Variants in MYO1F observed in about 807,000 individuals in gnomAD.
The protein encoded by MYO1F is unconventional myosin-If.
MYO1F carries 60 observed loss-of-function variants against 146.6 expected under a neutral mutation model. That is an observed-to-expected ratio of 0.41 (90% CI 0.33 to 0.51). MYO1F has a LOEUF of 0.51. MYO1F is among the 20% of genes least tolerant of loss of function. The probability of loss-of-function intolerance (pLI) is 0.25; values close to 1 mark genes in which losing one functional copy is unlikely to be tolerated. For missense variants in MYO1F, 1,274 were observed against 1,534.3 expected (o/e 0.83, Z 2.83); for synonymous variants, 602 against 602.1 (o/e 1.00, Z 0.00).
At chr19:8,561,087 G>C (rs572318412) in intron 1 of MYO1F, among the ~76,000 whole-genome samples, 1 of 151,926 alleles carries the variant, frequency 6.6e-6, no homozygotes, top group South Asian at 2.1e-4. Context: ...TTGCTCTGTT[G>C]CTCAGGCTGA....
chr19:8,538,452 T>G (rs1972821494), intron 16 of MYO1F, among the ~76,000 whole-genome samples: 1 of 149,152 alleles, frequency 6.7e-6, no homozygotes. Flanking sequence ...TGGCTAAATT[T>G]TGTATTTTTA....
intron 15 of MYO1F, among the ~76,000 whole-genome samples, chr19:8,541,520 C>G (rs1368462062): frequency 6.7e-6 from 1 of 150,326 alleles, no homozygotes; most frequent in Non-Finnish European, 1.5e-5. Flanking sequence ...CCTCTGCCTC[C>G]TGGGTTCAAG....
At position 8,540,046 on chromosome 19, in the gene MYO1F, G is replaced by C; in HGVS notation, c.1611-18C>G. ...GGAAGGCCCTGGGTAGGAAAGGGGA[G>C]AGGAGGAGTTGGAGGTATGGCTAGA... On this transcript the variant is annotated intron_variant, in intron 15 of 27. Transcript: ENST00000644032. The C allele has an allele frequency of 6.2e-7, 1 of 1,602,728 alleles. No homozygotes were observed. Among genetic ancestry groups the C allele is most frequent in the Non-Finnish European group, 8.5e-7 (1 of 1,171,846 alleles).
At chr19:8,560,295 T>C (rs1472488765) in intron 1 of MYO1F, among the ~76,000 whole-genome samples, 1 of 151,558 alleles carries the variant, frequency 6.6e-6, no homozygotes, top group East Asian at 2.0e-4. Flanking sequence ...CCATCCTGGC[T>C]AACATGGTGA....
chr19:8,521,484 G>A lies in MYO1F; in HGVS notation c.*44C>T, dbSNP rs1972058286. 5 of 1,598,770 alleles carry A rather than the reference G, an allele frequency of 3.1e-6. No individual in the cohort carries two copies. Among genetic ancestry groups the A allele is most frequent in the Non-Finnish European group, 4.3e-6 (5 of 1,168,632 alleles). ...GCCTGGCTCCCCACCAGGCCGGCAGGCAGATAGGCGGGCGAAAGAGAAGGC... is the reference window on the plus strand; with the variant it reads ...GCCTGGCTCCCCACCAGGCCGGCAGACAGATAGGCGGGCGAAAGAGAAGGC... On this transcript the variant is annotated 3_prime_UTR_variant, in exon 28 of 28. Transcript: ENST00000644032.
At chr19:8,576,958 A>ACTGGG in intron 1 of MYO1F, 1 of 466,814 alleles carries the variant, frequency 2.1e-6, no homozygotes, top group South Asian at 2.4e-5. Context: ...GAGACGAGAG[A>ACTGGG]CTGGGCTGGA....
At chr19:8,560,734 C>G (rs1180466543) in intron 1 of MYO1F, among the ~76,000 whole-genome samples, 1 of 118,834 alleles carries the variant, frequency 8.4e-6, no homozygotes, top group Non-Finnish European at 1.7e-5. Flanking sequence ...TGCCACCACG[C>G]CTGGCTAATT....
At position 8,568,422 on chromosome 19, in the gene MYO1F, C is replaced by CAAAAAAAAAAAAAA. The variant is rs55833513; in HGVS notation, c.3+8871_3+8884dup. On this transcript the variant is annotated intron_variant, in intron 1 of 27. Transcript: ENST00000644032. ...TGGGTGAAAGAGTGAGACTCCGTCT[C>CAAAAAAAAAAAAAA]AAAAAAAAAAAAAAAAAAAAAAATT... Among the ~76,000 whole-genome samples, 21 of 66,436 alleles carry CAAAAAAAAAAAAAA rather than the reference C, an allele frequency of 3.2e-4. 1 individual carries two copies. The highest frequency in any genetic ancestry group is 1.5e-3 in the African/African-American group (21 of 14,376). The allele number at this position is 66,436 out of a possible 152,430, so 43.6% of individuals were successfully genotyped here. A position where few individuals can be genotyped will look rare whatever the true frequency, so the allele number is the denominator to read the frequency against.
intron 23 of MYO1F, 74 bp downstream of exon 23, chr19:8,526,715 G>T (rs888063005): frequency 2.6e-6 from 4 of 1,536,032 alleles, no homozygotes; most frequent in Admixed American, 4.0e-5. Context: ...CAGTTCGGCC[G>T]GGTCGGTGGG....
intron 12 of MYO1F, chr19:8,547,816 C>G: frequency 5.3e-6 from 3 of 562,666 alleles, no homozygotes; most frequent in Non-Finnish European, 9.6e-6. Context: ...AACAGGTGCT[C>G]AATAAATAAT....
rs113056059 is a variant in MYO1F at position 8,545,649 on chromosome 19, C to T, written c.1356+1G>A. On this transcript the variant is annotated splice_donor_variant, in intron 13 of 27. Transcript: ENST00000644032. LOFTEE classifies it high-confidence loss of function. The stretch of plus-strand genomic sequence containing the variant: ...CCCGCCAAAGTTGACCCAGCCCTCA[C>T]CAGCTTGTTTTCGATGAGGTCACAG... 1 of 1,613,374 alleles carries T rather than the reference C, an allele frequency of 6.2e-7. No individual in the cohort carries two copies. The highest frequency in any genetic ancestry group is 8.5e-7 in the Non-Finnish European group (1 of 1,179,480).
chr19:8,561,949 T>C (rs1974152232), intron 1 of MYO1F, among the ~76,000 whole-genome samples: 1 of 151,890 alleles, frequency 6.6e-6, no homozygotes, highest in Non-Finnish European at 1.5e-5. Flanking sequence ...ACTCCTGACC[T>C]CGTGATCCAC....
intron 18 of MYO1F, 28 bp from the exon 19 acceptor site, chr19:8,536,424 G>T: frequency 6.2e-7 from 1 of 1,608,642 alleles, no homozygotes. Context: ...GGGTGTGGGA[G>T]TGCTCATAGC....
rs749746701 is a variant in MYO1F at position 8,526,911 on chromosome 19, G to A, written c.2499C>T (p.Ile833=). ...SLSTRQDDFF[I]LQEDAADSFL... is the part of the protein sequence containing the mutation. ...AGCTGTCGGCGGCATCCTCTTGGAG[G>A]ATGAAGAAGTCGTCCTGTCGCGTGC... The change falls in exon 23 of 28, where the codon ATC becomes ATT. Residue 833 remains isoleucine (I), a synonymous_variant. Coordinates refer to ENST00000644032, the MANE Select transcript of MYO1F (RefSeq NM_012335.4). 6.2e-7 allele frequency: 1 copy of A among 1,614,078 alleles called. No individual in the cohort carries two copies.
chr19:8,529,638 G>T (rs934470382), intron 21 of MYO1F, among the ~76,000 whole-genome samples: 1 of 152,034 alleles, frequency 6.6e-6, no homozygotes, highest in Non-Finnish European at 1.5e-5. Flanking sequence ...GGATGGGTGT[G>T]TCTAGGATAG....
intron 16 of MYO1F, among the ~76,000 whole-genome samples, chr19:8,539,528 G>A (rs1328378024): frequency 7.3e-5 from 11 of 151,566 alleles, no homozygotes; most frequent in Non-Finnish European, 1.3e-4. Context: ...CCCAGGAGGC[G>A]GAGGTTGCAG....
intron 1 of MYO1F, among the ~76,000 whole-genome samples, chr19:8,558,750 C>T (rs566483228): frequency 2.3e-3 from 349 of 152,232 alleles, no homozygotes; most frequent in Non-Finnish European, 3.9e-3. Flanking sequence ...ATCCCCAGGC[C>T]AGGAGCTCCT....
Position 8,525,470 on chromosome 19 carries a change from G to T in MYO1F, c.2854+9C>A. 6.2e-7 allele frequency: 1 copy of T among 1,611,982 alleles called. No individual in the cohort carries two copies. The highest frequency in any genetic ancestry group is 8.5e-7 in the Non-Finnish European group (1 of 1,178,932). On this transcript the variant is annotated intron_variant, in intron 25 of 27. Transcript: ENST00000644032. Reference sequence around the variant, plus strand: ...ACAAGGGAATATAGCAAGGGACGCAGCTCCTCACCTCTGGGGGGCGCAGGG... The same window carrying T: ...ACAAGGGAATATAGCAAGGGACGCATCTCCTCACCTCTGGGGGGCGCAGGG...
At chr19:8,522,302 G>T in intron 27 of MYO1F, 75 bp downstream of exon 27, 2 of 1,594,058 alleles carry the variant, frequency 1.3e-6, no homozygotes, top group Non-Finnish European at 1.7e-6. Context: ...GATTACAGGC[G>T]TGAGCCACCG....
Sources: gnomAD v4.1 joint callset for allele counts (sites outside exome capture counted in the v4.1 genomes callset) on GRCh38, gnomAD v4.1.1 for gene constraint, MANE v1.5 for transcripts, NCBI Gene and HGNC (gene_info 2026-07-23, HGNC 2026-07-21) for gene names.